Variants in PKP2 observed in about 807,000 individuals in gnomAD.
The protein encoded by PKP2 is plakophilin 2.
In PKP2, 73 loss-of-function variants were observed where a neutral mutation model predicts 83.4. The ratio of observed to expected loss-of-function variants is 0.88; its 90% CI spans 0.72 to 1.06. PKP2 has a LOEUF of 1.06. Ranked by LOEUF, PKP2 falls within the 50% of genes least tolerant of loss-of-function variation. The probability of loss-of-function intolerance (pLI) is 0.00; values close to 1 mark genes in which losing one functional copy is unlikely to be tolerated. For missense variants in PKP2, 966 were observed against 1,065.4 expected (o/e 0.91, Z 1.30); for synonymous variants, 409 against 430.4 (o/e 0.95, Z 0.62).
intron 6 of PKP2, among the ~76,000 whole-genome samples, chr12:32,835,461 C>T (rs1956536902): frequency 6.6e-6 from 1 of 151,442 alleles, no homozygotes; most frequent in African/African-American, 2.4e-5. Context: ...CTAAGTTATA[C>T]TTCTTACTCC....
intron 1 of PKP2, among the ~76,000 whole-genome samples, chr12:32,881,185 T>C (rs1300395410): frequency 6.6e-6 from 1 of 152,238 alleles, no homozygotes; most frequent in African/African-American, 2.4e-5. Flanking sequence ...CCTTATTTCC[T>C]ATAGCCAAAC....
chr12:32,792,333 G>C lies in PKP2; in HGVS notation c.*91C>G. On this transcript the variant is annotated 3_prime_UTR_variant, in exon 13 of 13. Coordinates refer to ENST00000340811, the MANE Select transcript of PKP2 (RefSeq NM_001005242.3). ...GGAAATAGAGAAGGATAGAAACAAG[G>C]CATGCTTTTGAGGTTTCTTGGGCTG... is the stretch of plus-strand genomic sequence containing the variant. The C allele has an allele frequency of 1.1e-6, 1 of 879,460 alleles. No homozygotes were observed. The highest frequency in any genetic ancestry group is 2.4e-5 in the East Asian group (1 of 41,296). The allele number at this position is 879,460 out of a possible 1,614,324, so 54.5% of individuals were successfully genotyped here. A position where few individuals can be genotyped will look rare whatever the true frequency, so the allele number is the denominator to read the frequency against.
At chr12:32,866,631 A>C (rs1956851891) in intron 4 of PKP2, among the ~76,000 whole-genome samples, 2 of 151,254 alleles carry the variant, frequency 1.3e-5, no homozygotes, top group Non-Finnish European at 2.9e-5. Flanking sequence ...ACAGTAAAAC[A>C]CCTGTACAAA....
intron 9 of PKP2, among the ~76,000 whole-genome samples, chr12:32,817,250 TC>T (rs1956328660): frequency 1.3e-5 from 2 of 152,218 alleles, no homozygotes; most frequent in Admixed American, 1.3e-4. Flanking sequence ...AAACTGAACT[TC>T]TACCTTTCAC....
intron 1 of PKP2, among the ~76,000 whole-genome samples, chr12:32,888,406 T>C (rs2137983856): frequency 6.6e-6 from 1 of 152,114 alleles, no homozygotes; most frequent in East Asian, 1.9e-4. Context: ...GTAATGACTT[T>C]CAAGTCATTA....
At chr12:32,850,246 T>C (rs1417827109) in intron 5 of PKP2, among the ~76,000 whole-genome samples, 1 of 152,140 alleles carries the variant, frequency 6.6e-6, no homozygotes, top group Non-Finnish European at 1.5e-5. Context: ...CATTTTCCCC[T>C]TTAGAAAAAA....
At chr12:32,837,520 C>T (rs183674573) in intron 6 of PKP2, among the ~76,000 whole-genome samples, 12 of 152,224 alleles carry the variant, frequency 7.9e-5, no homozygotes, top group East Asian at 3.9e-4. Flanking sequence ...CAGATGAAAT[C>T]GGAATGGACA....
chr12:32,799,856 C>G (rs572853438), intron 10 of PKP2, among the ~76,000 whole-genome samples: 2 of 152,240 alleles, frequency 1.3e-5, no homozygotes, highest in East Asian at 1.9e-4. Context: ...GACATGTGCA[C>G]CAACATTTCA....
At chr12:32,823,562 C>T (rs1956404068) in intron 7 of PKP2, among the ~76,000 whole-genome samples, 1 of 151,584 alleles carries the variant, frequency 6.6e-6, no homozygotes, top group Admixed American at 6.6e-5. Flanking sequence ...GACAGACAGA[C>T]ATTGGAGCCT....
chr12:32,888,435 C>T lies in PKP2; in HGVS notation c.223+8074G>A, dbSNP rs181130658. Among the ~76,000 whole-genome samples the T allele has an allele frequency of 2.5e-3, 377 of 151,962 alleles. 1 individual carries two copies. Among genetic ancestry groups the T allele is most frequent in the Non-Finnish European group, 3.9e-3 (267 of 67,984 alleles). Reference sequence around the variant, plus strand: ...GTCATTATATTTCCCCTGCCTCTCACGTGCCAGGGTTAACCCCTCCCAACT... The same window carrying T: ...GTCATTATATTTCCCCTGCCTCTCATGTGCCAGGGTTAACCCCTCCCAACT... On this transcript the variant is annotated intron_variant, in intron 1 of 12. Transcript: ENST00000340811.
At chr12:32,792,532 C>G (rs766196039) in intron 12 of PKP2, 40 bp from the exon 13 acceptor site, 9 of 1,586,884 alleles carry the variant, frequency 5.7e-6, no homozygotes, top group Non-Finnish European at 7.8e-6. Context: ...GGTAACAAAA[C>G]TGGCACACAA....
intron 9 of PKP2, among the ~76,000 whole-genome samples, chr12:32,811,840 C>T (rs553597890): frequency 3.9e-4 from 59 of 152,278 alleles, no homozygotes; most frequent in East Asian, 7.7e-4. Flanking sequence ...AATGCTTCCT[C>T]TTTTTATCAG....
chr12:32,889,070 C>T (rs1033577183), intron 1 of PKP2, among the ~76,000 whole-genome samples: 1 of 152,108 alleles, frequency 6.6e-6, no homozygotes, highest in African/African-American at 2.4e-5. Context: ...AATTCTTTAA[C>T]TTGCATTCAA....
At chr12:32,859,866 A>T (rs894006302) in intron 4 of PKP2, among the ~76,000 whole-genome samples, 23 of 152,234 alleles carry the variant, frequency 1.5e-4, no homozygotes, top group African/African-American at 5.5e-4. Context: ...AACAAACAAA[A>T]GAATAATACC....
intron 6 of PKP2, among the ~76,000 whole-genome samples, chr12:32,826,019 A>G (rs1184420690): frequency 6.6e-6 from 1 of 152,164 alleles, no homozygotes; most frequent in East Asian, 1.9e-4. Context: ...CAAGAACTAA[A>G]GGTGGCTGGG....
chr12:32,872,963 C>T (rs534024084), intron 3 of PKP2, among the ~76,000 whole-genome samples: 4 of 152,246 alleles, frequency 2.6e-5, no homozygotes, highest in Admixed American at 6.5e-5. Context: ...ATTAAGAGGA[C>T]GTGGAGGGAA....
chr12:32,855,630 G>C (rs993548472), intron 4 of PKP2, among the ~76,000 whole-genome samples: 4 of 151,896 alleles, frequency 2.6e-5, no homozygotes, highest in African/African-American at 7.3e-5. Flanking sequence ...CAAAAAATTA[G>C]CTGGGTGTGG....
intron 6 of PKP2, among the ~76,000 whole-genome samples, chr12:32,836,043 C>G (rs1341041520): frequency 1.3e-5 from 2 of 152,212 alleles, no homozygotes; most frequent in African/African-American, 4.8e-5. Flanking sequence ...TGCCAAGAAT[C>G]ACTCTCACTT....
At position 32,854,338 on chromosome 12, in the gene PKP2, G is replaced by A. The variant is rs187659830; in HGVS notation, c.1171-3365C>T. Among the ~76,000 whole-genome samples, 10 of 152,270 alleles carry A rather than the reference G, an allele frequency of 6.6e-5. No homozygotes were observed. The East Asian group carries it at 1.9e-3, about 29-fold the overall frequency. ...AGTGCTTAGATAAAGGCCGAAATCC[G>A]GCTACAGCTCTACTTACTGTATAAC... On this transcript the variant is annotated intron_variant, in intron 4 of 12. Coordinates refer to ENST00000340811, the MANE Select transcript of PKP2 (RefSeq NM_001005242.3).
Sources: allele counts gnomAD v4.1 joint callset (sites outside exome capture counted in the v4.1 genomes callset), GRCh38; gene constraint gnomAD v4.1.1; transcripts MANE v1.5; gene names NCBI Gene and HGNC (gene_info 2026-07-23, HGNC 2026-07-21).